The following ARHGAP39 variants were observed in gnomAD, a reference collection of about 807,000 sequenced individuals.
ARHGAP39 encodes rho GTPase-activating protein 39.
A neutral mutation model predicts 106.9 loss-of-function variants in ARHGAP39; 44 were observed. That is an observed-to-expected ratio of 0.41 (90% confidence interval 0.32 to 0.53). The LOEUF (loss-of-function observed/expected upper bound fraction) is 0.53. Ranked by LOEUF, ARHGAP39 falls within the 20% of genes least tolerant of loss-of-function variation. The pLI, the probability that ARHGAP39 is intolerant of heterozygous loss-of-function variation, is 0.21. For synonymous variants in ARHGAP39, 768 were observed against 693.2 expected, an observed-to-expected ratio of 1.11 and a Z score of -1.69; for missense variants, 1,496 against 1,577.3, an observed-to-expected ratio of 0.95 and a Z score of 0.87.
At chr8:144,629,026 G>A (rs905926474) in intron 1 of ARHGAP39, among the ~76,000 whole-genome samples, 4 of 152,104 alleles carry the variant, frequency 2.6e-5, no homozygotes, top group African/African-American at 9.7e-5. Context: ...TCCCATTAGT[G>A]CCTCCCTCCC....
intron 1 of ARHGAP39, among the ~76,000 whole-genome samples, chr8:144,650,397 T>G (rs919854144): frequency 1.3e-5 from 2 of 152,094 alleles, no homozygotes; most frequent in Admixed American, 6.6e-5. Flanking sequence ...CTCAACTCAT[T>G]CAATGATGCC....
intron 4 of ARHGAP39, among the ~76,000 whole-genome samples, chr8:144,549,683 T>C (rs1362782987): frequency 6.6e-6 from 1 of 151,982 alleles, no homozygotes; most frequent in Non-Finnish European, 1.5e-5. Context: ...ACTAGAGAGA[T>C]GGGGTTTCAC....
rs536627473 is a variant in ARHGAP39 at position 144,585,584 on chromosome 8, T to C, written c.81-4307A>G. ...ACAAAGTGTCAATGACTCCCATCGT[T>C]AGAAACACAGGGACACCAACATGGT... On this transcript the variant is annotated intron_variant, in intron 2 of 11. Transcript: ENST00000377307. The surrounding 1 kb of genome is among the most constrained non-coding windows in gnomAD (Gnocchi z 4.6). Among the ~76,000 whole-genome samples, 4 of 152,194 alleles carry C rather than the reference T, an allele frequency of 2.6e-5. No individual in the cohort carries two copies. In the East Asian group the frequency reaches 7.7e-4, roughly 29 times the overall value.
intron 1 of ARHGAP39, among the ~76,000 whole-genome samples, chr8:144,630,808 G>A (rs891208023): frequency 2.6e-5 from 4 of 152,238 alleles, no homozygotes; most frequent in Non-Finnish European, 4.4e-5. Flanking sequence ...CCTTGCTCAC[G>A]GACTTCCCAG....
At chr8:144,637,864 C>CTT (rs79827287) in intron 1 of ARHGAP39, among the ~76,000 whole-genome samples, 20 of 140,912 alleles carry the variant, frequency 1.4e-4, no homozygotes, top group African/African-American at 4.9e-4. Context: ...ATTTTTCTTT[C>CTT]TTTTTTTTTT....
intron 1 of ARHGAP39, among the ~76,000 whole-genome samples, chr8:144,656,081 A>G (rs1821685159): frequency 6.6e-6 from 1 of 152,194 alleles, no homozygotes; most frequent in Admixed American, 6.5e-5. Flanking sequence ...TTAGTTGCCA[A>G]CAGATACATA....
At chr8:144,652,257 T>TA (rs1284001683) in intron 1 of ARHGAP39, among the ~76,000 whole-genome samples, 2 of 151,844 alleles carry the variant, frequency 1.3e-5, no homozygotes, top group South Asian at 2.1e-4. Flanking sequence ...AATAAAAAAG[T>TA]AAAAAAATAA....
chr8:144,614,552 C>A (rs1381411633), intron 1 of ARHGAP39, among the ~76,000 whole-genome samples: 1 of 152,110 alleles, frequency 6.6e-6, no homozygotes, highest in African/African-American at 2.4e-5. Context: ...GGGGTTTAAC[C>A]ATGTTGGCCA....
At chr8:144,579,488 TACCGACACCAAC>T (rs1434191638) in intron 3 of ARHGAP39, among the ~76,000 whole-genome samples, 1 of 152,082 alleles carries the variant, frequency 6.6e-6, no homozygotes, top group Non-Finnish European at 1.5e-5. Context: ...CTGCCCTGAA[TACCGACACCAAC>T]ACCGTCTTCC....
intron 1 of ARHGAP39, among the ~76,000 whole-genome samples, chr8:144,681,879 A>G (rs1032902879): frequency 6.6e-6 from 1 of 152,110 alleles, no homozygotes; most frequent in African/African-American, 2.4e-5. Flanking sequence ...TCTAAGGTAA[A>G]GCTAAGATAC....
Position 144,679,474 on chromosome 8 carries a change from G to C in ARHGAP39, c.-82+6212C>G, listed in dbSNP as rs543973334. The stretch of plus-strand genomic sequence containing the variant: ...AAGAGTCACAAGCAAACGAAACGCG[G>C]GCAGGAATCAGCCTCTGCTGCTGTG... On this transcript the variant is annotated intron_variant, in intron 1 of 11. Coordinates refer to ENST00000377307, the MANE Select transcript of ARHGAP39 (RefSeq NM_025251.3). This position sits in a 1 kb window ranked among gnomAD's most constrained non-coding sequence, Gnocchi z 4.7. Among the ~76,000 whole-genome samples the C allele has an allele frequency of 5.3e-5, 8 of 152,332 alleles. No individual in the cohort carries two copies. Among genetic ancestry groups the C allele is most frequent in the African/African-American group, 1.9e-4 (8 of 41,580 alleles).
At chr8:144,566,209 G>A (rs773178387) in intron 3 of ARHGAP39, among the ~76,000 whole-genome samples, 29 of 152,148 alleles carry the variant, frequency 1.9e-4, no homozygotes, top group Admixed American at 6.5e-4. Flanking sequence ...CAAGGAACAC[G>A]AAGAAAATGA....
Position 144,649,999 on chromosome 8 carries a change from C to T in ARHGAP39, c.-82+35687G>A, listed in dbSNP as rs187766612. On this transcript the variant is annotated intron_variant, in intron 1 of 11. Transcript: ENST00000377307. ...TTCTACTAAAAATACAAAAACCAGC[C>T]GGGCATGGTGGTGCACGCCTGTAAT... Among the ~76,000 whole-genome samples, 32 of 151,784 alleles carry T rather than the reference C, an allele frequency of 2.1e-4. No individual in the cohort carries two copies. The East Asian group carries it at 4.5e-3, about 21-fold the overall frequency.
intron 1 of ARHGAP39, among the ~76,000 whole-genome samples, chr8:144,618,296 C>T (rs965796489): frequency 2.6e-5 from 4 of 152,206 alleles, no homozygotes; most frequent in Non-Finnish European, 5.9e-5. Flanking sequence ...AAGGGCAGGG[C>T]TGGTGCTGAG....
chr8:144,594,566 C>A (rs967136536), intron 2 of ARHGAP39, among the ~76,000 whole-genome samples: 1 of 151,746 alleles, frequency 6.6e-6, no homozygotes, highest in African/African-American at 2.4e-5. Context: ...TGATGGTGGG[C>A]GCCTGTAATC....
intron 3 of ARHGAP39, 104 bp from the exon 4 acceptor site, chr8:144,555,747 G>A: frequency 1.0e-6 from 1 of 994,660 alleles, no homozygotes. Context: ...TCAATTTCCT[G>A]GAAATAACCT....
At chr8:144,653,422 C>G (rs1821621761) in intron 1 of ARHGAP39, among the ~76,000 whole-genome samples, 1 of 152,206 alleles carries the variant, frequency 6.6e-6, no homozygotes, top group Non-Finnish European at 1.5e-5. Context: ...TATAAACACG[C>G]ACAACACCAT....
intron 4 of ARHGAP39, 112 bp downstream of exon 4, chr8:144,555,448 G>A (rs1586900010): frequency 4.2e-6 from 4 of 955,376 alleles, no homozygotes; most frequent in Admixed American, 1.8e-5. Flanking sequence ...TTCCAGCTCT[G>A]GGTCTGTGGT....
intron 1 of ARHGAP39, among the ~76,000 whole-genome samples, chr8:144,617,681 A>G (rs961171117): frequency 2.6e-5 from 4 of 151,722 alleles, no homozygotes; most frequent in Admixed American, 2.6e-4. Context: ...TGTTCTTTTA[A>G]TCATGGAATC....
Sources: gnomAD v4.1 joint callset for allele counts (sites outside exome capture counted in the v4.1 genomes callset) on GRCh38, gnomAD v4.1.1 for gene constraint, Gnocchi (gnomAD v3.1) non-coding constraint, MANE v1.5 for transcripts, NCBI Gene and HGNC (gene_info 2026-07-23, HGNC 2026-07-21) for gene names.